The following SLC39A12 variants were observed in gnomAD, a reference collection of about 807,000 sequenced individuals.
SLC39A12 encodes the protein zinc transporter ZIP12.
Under a neutral mutation model 71.1 loss-of-function variants are expected in SLC39A12, and 63 were observed. That is an observed-to-expected ratio of 0.89 (90% confidence interval 0.72 to 1.09). The LOEUF is 1.09. Ranked by LOEUF, SLC39A12 falls within the 50% of genes least tolerant of loss-of-function variation. The pLI is 0.00. For synonymous variants in SLC39A12, 351 were observed against 301.3 expected, an observed-to-expected ratio of 1.16 and a Z score of -1.71; for missense variants, 892 against 812.6, an observed-to-expected ratio of 1.10 and a Z score of -1.19.
intron 12 of SLC39A12, among the ~76,000 whole-genome samples, chr10:18,021,734 G>A (rs1001013869): frequency 6.6e-6 from 1 of 152,146 alleles, no homozygotes; most frequent in African/African-American, 2.4e-5. Flanking sequence ...ATGTACTTGA[G>A]TGTGTTTTTG....
chr10:18,036,794 A>ATATTTTT (rs1554855475), intron 12 of SLC39A12, among the ~76,000 whole-genome samples: 99 of 92,774 alleles, frequency 1.1e-3, no homozygotes, highest in Non-Finnish European at 1.4e-3. Context: ...ATATATATAT[A>ATATTTTT]TTTTTTTTTT....
chr10:17,972,772 ATTTT>A (rs143087696), intron 4 of SLC39A12, among the ~76,000 whole-genome samples: 6 of 146,950 alleles, frequency 4.1e-5, no homozygotes, highest in Admixed American at 6.8e-5. Context: ...CAATGGTCTT[ATTTT>A]TTTTTTATCT....
In SLC39A12 at chr10:17,961,824, G is replaced by T. The variant is rs1554848444; in HGVS notation, c.505G>T (p.Ala169Ser). 6.2e-7 allele frequency: 1 copy of T among 1,613,992 alleles called. No homozygotes were observed. Among genetic ancestry groups the T allele is most frequent in the Admixed American group, 1.7e-5 (1 of 59,998 alleles). Residue 169 changes from alanine (A) to serine (S), a missense_variant, in exon 3 of 13, where the codon GCT becomes TCT. Coordinates refer to ENST00000377369, the MANE Select transcript of SLC39A12 (RefSeq NM_001145195.2). Reference protein sequence around the residue: ...LSQNETEDILAFTRQYFDTSQ... With the variant: ...LSQNETEDILSFTRQYFDTSQ... Reference sequence around the variant, plus strand: ...ACAGAATGAGACAGAAGATATCTTGGCTTTCACCAGGCAGTACTTTGACAC... The same window carrying T: ...ACAGAATGAGACAGAAGATATCTTGTCTTTCACCAGGCAGTACTTTGACAC...
chr10:18,007,578 A>C (rs1346026033), intron 12 of SLC39A12, among the ~76,000 whole-genome samples: 3 of 152,086 alleles, frequency 2.0e-5, no homozygotes, highest in Non-Finnish European at 2.9e-5. Flanking sequence ...AAGAATGGCT[A>C]CTCCATAGAC....
Position 18,042,946 on chromosome 10 carries a change from G to T in SLC39A12, c.*113G>T, listed in dbSNP as rs930534054. On this transcript the variant is annotated 3_prime_UTR_variant, in exon 13 of 13. Transcript: ENST00000377369. ...GAATTTTTTATCTTAGGCAAAGTGTGTCTCTTTCAATTCATTAACTTATTA... is the reference window on the plus strand; with the variant it reads ...GAATTTTTTATCTTAGGCAAAGTGTTTCTCTTTCAATTCATTAACTTATTA... The T allele has an allele frequency of 1.7e-5, 14 of 826,474 alleles. No homozygotes were observed. The South Asian group carries it at 2.8e-4, about 16-fold the overall frequency. 51.2% of individuals were successfully genotyped at this position (826,474 alleles called of 1,614,324 possible).
chr10:17,983,861 C>T lies in SLC39A12; in HGVS notation c.1096+2378C>T, dbSNP rs139414136. ...GTTGCATTATGTGAATAGGGAAAAG[C>T]TTTAATTTCAAAAGTTCTTTGGAAA... On this transcript the variant is annotated intron_variant, in intron 6 of 12. Transcript: ENST00000377369. Among the ~76,000 whole-genome samples, 1,393 of 152,202 alleles carry T rather than the reference C, an allele frequency of 9.2e-3. 10 individuals carry two copies. Among genetic ancestry groups the T allele is most frequent in the Middle Eastern group, 0.024 (7 of 294 alleles).
chr10:18,024,011 G>T lies in SLC39A12; in HGVS notation c.1948-18694G>T, dbSNP rs535073110. On this transcript the variant is annotated intron_variant, in intron 12 of 12. Coordinates refer to ENST00000377369, the MANE Select transcript of SLC39A12 (RefSeq NM_001145195.2). The stretch of plus-strand genomic sequence containing the variant: ...CTGCAGCCTGAGGGCAGAAGGGGTG[G>T]GGGCTGCAGCAGTGTCAAAAAGGGC... Among the ~76,000 whole-genome samples, 6 of 152,274 alleles carry T rather than the reference G, an allele frequency of 3.9e-5. No homozygotes were observed. The East Asian group carries it at 1.2e-3, about 29-fold the overall frequency.
At chr10:17,960,509 G>A (rs1834660404) in intron 2 of SLC39A12, among the ~76,000 whole-genome samples, 1 of 152,176 alleles carries the variant, frequency 6.6e-6, no homozygotes, top group South Asian at 2.1e-4. Flanking sequence ...GAAGTCATTT[G>A]TAAAATTTTT....
Position 18,036,746 on chromosome 10 carries a change from TTATATATATATATATATATATATATA to T in SLC39A12, c.1948-5935_1948-5910del, listed in dbSNP as rs1195629854. ...CATCTTGCAGTTAGCATTTTAAAAA[TTATATATATATATATATATATATATA>T]TATATATATATATATATATATATTT... On this transcript the variant is annotated intron_variant, in intron 12 of 12. Coordinates refer to ENST00000377369, the MANE Select transcript of SLC39A12 (RefSeq NM_001145195.2). Among the ~76,000 whole-genome samples the T allele has an allele frequency of 4.8e-4, 18 of 37,496 alleles. 2 individuals are homozygous for T. The highest frequency in any genetic ancestry group is 1.9e-3 in the Admixed American group (6 of 3,204). 24.6% of individuals were successfully genotyped at this position (37,496 alleles called of 152,430 possible).
intron 4 of SLC39A12, among the ~76,000 whole-genome samples, chr10:17,974,204 A>G (rs1254275697): frequency 6.6e-6 from 1 of 152,016 alleles, no homozygotes; most frequent in African/African-American, 2.4e-5. Flanking sequence ...CAAAACAGCC[A>G]TTTTGAATTC....
intron 12 of SLC39A12, among the ~76,000 whole-genome samples, chr10:18,041,538 A>G (rs1837225909): frequency 6.4e-5 from 1 of 15,522 alleles, no homozygotes; most frequent in Admixed American, 4.0e-4. Flanking sequence ...ATATATATAC[A>G]CACACACACA....
intron 2 of SLC39A12, among the ~76,000 whole-genome samples, chr10:17,956,509 C>T (rs1589216791): frequency 6.6e-6 from 1 of 152,188 alleles, no homozygotes; most frequent in African/African-American, 2.4e-5. Context: ...CTCATGGACA[C>T]ATATGCAGAA....
intron 4 of SLC39A12, among the ~76,000 whole-genome samples, chr10:17,969,661 G>A (rs193095290): frequency 6.6e-6 from 1 of 152,226 alleles, no homozygotes; most frequent in East Asian, 1.9e-4. Flanking sequence ...CTCTAGAGTT[G>A]TTTGAGCTCC....
intron 4 of SLC39A12, among the ~76,000 whole-genome samples, chr10:17,974,444 T>G (rs1835053419): frequency 6.6e-6 from 1 of 152,240 alleles, no homozygotes; most frequent in Non-Finnish European, 1.5e-5. Context: ...CTTAGGTGTA[T>G]GATCTATGCT....
At chr10:17,991,442 C>A in intron 8 of SLC39A12, 139 bp downstream of exon 8, 1 of 588,102 alleles carries the variant, frequency 1.7e-6, no homozygotes, top group Non-Finnish European at 2.7e-6. Flanking sequence ...CAAGAATACA[C>A]AGCTCCTTCT....
intron 12 of SLC39A12, among the ~76,000 whole-genome samples, chr10:18,023,376 A>T (rs752295633): frequency 5.3e-5 from 8 of 151,908 alleles, no homozygotes; most frequent in Non-Finnish European, 1.0e-4. Context: ...CAGCTGGGTT[A>T]TGCTGGAGGT....
intron 4 of SLC39A12, among the ~76,000 whole-genome samples, chr10:17,967,831 G>A (rs1318799392): frequency 6.7e-6 from 1 of 150,144 alleles, no homozygotes; most frequent in East Asian, 2.0e-4. Flanking sequence ...AGCTGGCAGT[G>A]AGCTGAGTTC....
chr10:18,021,810 C>A (rs1836540538), intron 12 of SLC39A12, among the ~76,000 whole-genome samples: 1 of 152,080 alleles, frequency 6.6e-6, no homozygotes, highest in Non-Finnish European at 1.5e-5. Flanking sequence ...GAAGTCAGGT[C>A]TGGTGGTTAC....
intron 2 of SLC39A12, among the ~76,000 whole-genome samples, chr10:17,958,320 C>T (rs1443170595): frequency 1.3e-5 from 2 of 152,154 alleles, no homozygotes; most frequent in African/African-American, 4.8e-5. Context: ...GCATCATAGA[C>T]ATTCTTCTTC....
Sources: gnomAD v4.1 joint callset for allele counts (sites outside exome capture counted in the v4.1 genomes callset) on GRCh38, gnomAD v4.1.1 for gene constraint, MANE v1.5 for transcripts, NCBI Gene and HGNC (gene_info 2026-07-23, HGNC 2026-07-21) for gene names.